The following EXOC4 variants were observed in gnomAD, a reference collection of about 807,000 sequenced individuals.
EXOC4 encodes the protein exocyst complex component 4, also known as SEC8-like 1.
A neutral mutation model predicts 107.2 loss-of-function variants in EXOC4; 71 were observed. The observed-to-expected ratio is 0.66, with a 90% CI of 0.55 to 0.81. The LOEUF (loss-of-function observed/expected upper bound fraction) is 0.81. Ranked by LOEUF, EXOC4 falls within the 30% of genes least tolerant of loss-of-function variation. The probability of loss-of-function intolerance (pLI) is 0.00; values close to 1 mark genes in which losing one functional copy is unlikely to be tolerated. For synonymous variants in EXOC4, 456 were observed against 441.2 expected, an observed-to-expected ratio of 1.03 and a Z score of -0.42; for missense variants, 1,108 against 1,189.6, an observed-to-expected ratio of 0.93 and a Z score of 1.01.
intron 2 of EXOC4, among the ~76,000 whole-genome samples, chr7:133,280,603 G>T (rs1164340118): frequency 2.0e-5 from 3 of 152,150 alleles, no homozygotes; most frequent in African/African-American, 7.2e-5. Context: ...CCCTATTGGT[G>T]CTAGATCAAG....
chr7:133,271,959 G>A (rs951862145), intron 1 of EXOC4, among the ~76,000 whole-genome samples: 2 of 152,210 alleles, frequency 1.3e-5, no homozygotes, highest in South Asian at 4.2e-4. Context: ...TTTGGGGGCG[G>A]TGGGATTTTA....
rs576849562 is a variant in EXOC4 at position 133,857,016 on chromosome 7, G to A, written c.1735-38583G>A. 7.5e-5 allele frequency among the ~76,000 whole-genome samples: 11 copies of A among 147,030 alleles called. No homozygotes were observed. In the South Asian group the frequency reaches 1.1e-3, roughly 14 times the overall value. ...GGAGTCTGAGGCAGGAGAATCGCTC[G>A]AACCCGGGAGGCAGAGGTTGCAGTG... On this transcript the variant is annotated intron_variant, in intron 11 of 17. Coordinates refer to ENST00000253861, the MANE Select transcript of EXOC4 (RefSeq NM_021807.4).
chr7:134,040,742 A>C (rs574573401), intron 17 of EXOC4, among the ~76,000 whole-genome samples: 2 of 152,366 alleles, frequency 1.3e-5, no homozygotes, highest in Admixed American at 1.3e-4. Context: ...AGCTCAATTA[A>C]CAATATTTGT....
At chr7:133,349,790 G>A (rs1795867376) in intron 5 of EXOC4, among the ~76,000 whole-genome samples, 1 of 151,984 alleles carries the variant, frequency 6.6e-6, no homozygotes, top group African/African-American at 2.4e-5. Context: ...CAACAGCAGT[G>A]CACAAGCGTT....
chr7:133,409,757 C>G (rs930468898), intron 7 of EXOC4, among the ~76,000 whole-genome samples: 5 of 152,034 alleles, frequency 3.3e-5, no homozygotes, highest in African/African-American at 1.2e-4. Flanking sequence ...CTACTATTGG[C>G]CAGCTTGATA....
intron 7 of EXOC4, among the ~76,000 whole-genome samples, chr7:133,449,751 ATC>A (rs35542822): frequency 0.56 from 70,295 of 125,200 alleles, 16,956 homozygotes; most frequent in East Asian, 0.69. Flanking sequence ...GTGTGTGTAC[ATC>A]TCTTTTTACA....
At chr7:133,764,001 C>G (rs1796086358) in intron 10 of EXOC4, among the ~76,000 whole-genome samples, 1 of 152,000 alleles carries the variant, frequency 6.6e-6, no homozygotes, top group Non-Finnish European at 1.5e-5. Flanking sequence ...AAAGTTTTCT[C>G]TTTGGCCTCA....
chr7:133,726,913 CA>C (rs920816316), intron 10 of EXOC4, among the ~76,000 whole-genome samples: 81 of 152,272 alleles, frequency 5.3e-4, no homozygotes, highest in African/African-American at 1.9e-3. Context: ...GACCTGTTTT[CA>C]AATACTAGTT....
At chr7:133,549,369 G>T (rs1800544652) in intron 9 of EXOC4, among the ~76,000 whole-genome samples, 1 of 152,090 alleles carries the variant, frequency 6.6e-6, no homozygotes. Context: ...TTATTAATTG[G>T]TATATTTTCA....
At chr7:133,493,516 CCT>C (rs1799416119) in intron 9 of EXOC4, among the ~76,000 whole-genome samples, 1 of 152,138 alleles carries the variant, frequency 6.6e-6, no homozygotes, top group Non-Finnish European at 1.5e-5. Flanking sequence ...TTACCCGTAA[CCT>C]GTAGCACCTG....
chr7:133,311,336 C>T (rs1563013195), intron 4 of EXOC4, among the ~76,000 whole-genome samples: 2 of 151,998 alleles, frequency 1.3e-5, no homozygotes, highest in Non-Finnish European at 2.9e-5. Context: ...TTAAAGAAAA[C>T]AGTGCAGACA....
chr7:133,948,558 A>C (rs1341124254), intron 14 of EXOC4, among the ~76,000 whole-genome samples: 1 of 152,188 alleles, frequency 6.6e-6, no homozygotes, highest in Non-Finnish European at 1.5e-5. Flanking sequence ...CAGACAGCCC[A>C]GGAAAATGTA....
chr7:133,357,803 A>G (rs185375329), intron 6 of EXOC4, among the ~76,000 whole-genome samples: 3 of 152,308 alleles, frequency 2.0e-5, no homozygotes, highest in African/African-American at 7.2e-5. Flanking sequence ...TTAACATTTC[A>G]AAAATTAATT....
At chr7:133,432,452 A>G (rs1340261799) in intron 7 of EXOC4, among the ~76,000 whole-genome samples, 2 of 152,192 alleles carry the variant, frequency 1.3e-5, no homozygotes, top group East Asian at 1.9e-4. Flanking sequence ...CCTGGGGTTC[A>G]TTGGACCTTC....
At chr7:133,784,437 A>G (rs139446701) in intron 10 of EXOC4, among the ~76,000 whole-genome samples, 39 of 152,264 alleles carry the variant, frequency 2.6e-4, no homozygotes, top group Admixed American at 1.0e-3. Context: ...GCTAGGTGAT[A>G]TATGGAGCAC....
At chr7:133,566,016 G>C (rs1048154613) in intron 9 of EXOC4, among the ~76,000 whole-genome samples, 1 of 152,180 alleles carries the variant, frequency 6.6e-6, no homozygotes, top group African/African-American at 2.4e-5. Context: ...TTTATTGGGG[G>C]TTATTATATA....
intron 7 of EXOC4, among the ~76,000 whole-genome samples, chr7:133,392,828 T>C (rs1796883078): frequency 6.6e-6 from 1 of 152,206 alleles, no homozygotes. Flanking sequence ...TATTTCCTTG[T>C]TATAAACTAG....
In EXOC4 at chr7:133,844,579, G is replaced by T. The variant is rs537398189; in HGVS notation, c.1734+27035G>T. ...TAATTTTTGTATGTTTAGTAGAGAC[G>T]TGGTTTCACCGTGTTGGCCAGGATG... On this transcript the variant is annotated intron_variant, in intron 11 of 17. Transcript: ENST00000253861. 1.5e-4 allele frequency among the ~76,000 whole-genome samples: 23 copies of T among 151,712 alleles called. No homozygotes were observed. In the South Asian group the frequency reaches 4.4e-3, roughly 29 times the overall value.
At chr7:133,982,023 C>T (rs1270767532) in intron 14 of EXOC4, among the ~76,000 whole-genome samples, 6 of 152,144 alleles carry the variant, frequency 3.9e-5, no homozygotes, top group Admixed American at 3.3e-4. Flanking sequence ...AAATACCACA[C>T]GTTCTTACTT....
Sources: allele counts gnomAD v4.1 joint callset (sites outside exome capture counted in the v4.1 genomes callset), GRCh38; gene constraint gnomAD v4.1.1; transcripts MANE v1.5; gene names NCBI Gene and HGNC (gene_info 2026-07-23, HGNC 2026-07-21).